The following RGL1 variants were observed in gnomAD, a reference collection of about 807,000 sequenced individuals.
RGL1 encodes the protein ral guanine nucleotide dissociation stimulator like 1, also known as ral guanine nucleotide dissociation stimulator-like 1.
In RGL1, 24 loss-of-function variants were observed where a neutral mutation model predicts 95.2. That is an observed-to-expected ratio of 0.25 (90% confidence interval 0.18 to 0.35). RGL1 has a LOEUF of 0.35. RGL1 is among the 10% of genes least tolerant of loss of function. The pLI is 1.00. For missense variants in RGL1, 715 were observed against 936.3 expected (o/e 0.76, Z 3.08); for synonymous variants, 329 against 344.9 (o/e 0.95, Z 0.51).
intron 3 of RGL1, among the ~76,000 whole-genome samples, chr1:183,858,666 A>G (rs916462940): frequency 1.3e-5 from 2 of 152,152 alleles, no homozygotes; most frequent in African/African-American, 4.8e-5. Context: ...TCATATCGCT[A>G]TTCTCTTATC....
Position 183,847,789 on chromosome 1 carries a change from G to T in RGL1, c.347+15G>T. The T allele has an allele frequency of 6.2e-7, 1 of 1,604,148 alleles. No individual in the cohort carries two copies. Among genetic ancestry groups the T allele is most frequent in the Non-Finnish European group, 8.5e-7 (1 of 1,171,994 alleles). ...CTGCTGGACAGGTAAGAATGTAAAG[G>T]AGCTTTTGAGTTGAAAGAAATGTAG... On this transcript the variant is annotated intron_variant, in intron 3 of 17. Coordinates refer to ENST00000360851, the MANE Select transcript of RGL1 (RefSeq NM_001297671.3).
intron 9 of RGL1, among the ~76,000 whole-genome samples, chr1:183,892,779 A>G (rs1460428425): frequency 4.6e-5 from 7 of 152,270 alleles, no homozygotes; most frequent in Non-Finnish European, 8.8e-5. Context: ...TAATTGGGGT[A>G]TATAGACACT....
At chr1:183,787,583 T>G (rs1455902014) in intron 2 of RGL1, among the ~76,000 whole-genome samples, 1 of 152,150 alleles carries the variant, frequency 6.6e-6, no homozygotes, top group Non-Finnish European at 1.5e-5. Flanking sequence ...ATGATAACAT[T>G]AGCATTTGAA....
At chr1:183,869,256 A>G (rs1368208229) in intron 4 of RGL1, among the ~76,000 whole-genome samples, 1 of 152,244 alleles carries the variant, frequency 6.6e-6, no homozygotes, top group Non-Finnish European at 1.5e-5. Flanking sequence ...TCATTCTTTT[A>G]AAGTCTCATT....
intron 1 of RGL1, chr1:183,648,599 A>G (rs1368504078): frequency 6.2e-7 from 1 of 1,614,210 alleles, no homozygotes; most frequent in Non-Finnish European, 8.5e-7. Context: ...GTTTTGTTTG[A>G]GGAAATGTTG....
chr1:183,770,183 G>C (rs1399493024), intron 2 of RGL1, among the ~76,000 whole-genome samples: 1 of 152,158 alleles, frequency 6.6e-6, no homozygotes, highest in African/African-American at 2.4e-5. Flanking sequence ...AACTCCTTCA[G>C]AATTCCCCTA....
chr1:183,710,705 C>T (rs948025390), intron 1 of RGL1, among the ~76,000 whole-genome samples: 1 of 152,102 alleles, frequency 6.6e-6, no homozygotes, highest in Non-Finnish European at 1.5e-5. Flanking sequence ...GGGGAAACTG[C>T]CACTTTTGAA....
chr1:183,673,840 A>G (rs1365843151), intron 1 of RGL1, among the ~76,000 whole-genome samples: 1 of 152,136 alleles, frequency 6.6e-6, no homozygotes, highest in African/African-American at 2.4e-5. Context: ...GTCTTTAGAC[A>G]TGGTGCATTG....
intron 4 of RGL1, among the ~76,000 whole-genome samples, chr1:183,875,677 A>G (rs1666450231): frequency 6.6e-6 from 1 of 151,846 alleles, no homozygotes; most frequent in South Asian, 2.1e-4. Context: ...GGAGTTTGAA[A>G]CCAGCCTGGC....
chr1:183,907,060 C>T lies in RGL1; in HGVS notation c.1521C>T (p.Thr507=), dbSNP rs1040967048. The change falls in exon 14 of 18, where the codon ACC becomes ACT. Residue 507 remains threonine (T), a synonymous_variant. Coordinates refer to ENST00000360851, the MANE Select transcript of RGL1 (RefSeq NM_001297671.3). ...AAGCAGCTGCTGACGCCAGCACCACCTCGCCCAAGCCTCGGAAGAGCATGG... is the reference window on the plus strand; with the variant it reads ...AAGCAGCTGCTGACGCCAGCACCACTTCGCCCAAGCCTCGGAAGAGCATGG... ...EIEAAADAST[T]SPKPRKSMVK... 6.2e-7 allele frequency: 1 copy of T among 1,612,466 alleles called. No individual in the cohort carries two copies.
At chr1:183,772,006 G>A (rs1176142262) in intron 2 of RGL1, among the ~76,000 whole-genome samples, 7 of 152,228 alleles carry the variant, frequency 4.6e-5, no homozygotes, top group African/African-American at 1.7e-4. Context: ...GCAGGTTTAG[G>A]CGGAGTTTGG....
At chr1:183,745,492 C>A (rs1414900233) in intron 2 of RGL1, among the ~76,000 whole-genome samples, 1 of 151,994 alleles carries the variant, frequency 6.6e-6, no homozygotes, top group South Asian at 2.1e-4. Flanking sequence ...GTATTTATTT[C>A]ACAATCTGAA....
intron 1 of RGL1, chr1:183,647,845 G>T: frequency 6.2e-7 from 1 of 1,614,164 alleles, no homozygotes; most frequent in Non-Finnish European, 8.5e-7. Context: ...ATATTCCTGG[G>T]TTTATTTGGG....
chr1:183,902,471 T>G (rs1668084503), intron 11 of RGL1, 97 bp from the exon 12 acceptor site: 2 of 899,230 alleles, frequency 2.2e-6, no homozygotes, highest in Non-Finnish European at 1.7e-6. Flanking sequence ...TGTGACTTTA[T>G]CACCCCTTTG....
chr1:183,851,249 G>T (rs573644082), intron 3 of RGL1, among the ~76,000 whole-genome samples: 3 of 152,246 alleles, frequency 2.0e-5, no homozygotes, highest in African/African-American at 7.2e-5. Flanking sequence ...TCCTTTGCTT[G>T]CTTCTGAAAT....
intron 1 of RGL1, among the ~76,000 whole-genome samples, chr1:183,663,444 C>T (rs12033131): frequency 0.069 from 10,313 of 149,194 alleles, 689 homozygotes; most frequent in African/African-American, 0.17. Context: ...TTTATGCAGC[C>T]AAAAAACACA....
chr1:183,729,511 A>C (rs903203467), intron 1 of RGL1, among the ~76,000 whole-genome samples: 1 of 152,302 alleles, frequency 6.6e-6, no homozygotes, highest in Admixed American at 6.5e-5. Flanking sequence ...ATTTTCCTGC[A>C]TACACCGCTT....
intron 2 of RGL1, among the ~76,000 whole-genome samples, chr1:183,784,458 C>G (rs527703779): frequency 2.7e-4 from 41 of 152,248 alleles, no homozygotes; most frequent in Non-Finnish European, 5.3e-4. Flanking sequence ...GAAGCTGGGC[C>G]CCAGCCCCAG....
intron 1 of RGL1, among the ~76,000 whole-genome samples, chr1:183,701,266 A>C (rs1275146538): frequency 6.6e-6 from 1 of 152,198 alleles, no homozygotes; most frequent in African/African-American, 2.4e-5. Flanking sequence ...ATTTGATGAA[A>C]GAATGGTTTT....
Sources: allele counts gnomAD v4.1 joint callset (sites outside exome capture counted in the v4.1 genomes callset), GRCh38; gene constraint gnomAD v4.1.1; transcripts MANE v1.5; gene names NCBI Gene and HGNC (gene_info 2026-07-23, HGNC 2026-07-21).